The following CDKAL1 variants were observed in gnomAD, a reference collection of about 807,000 sequenced individuals.
CDKAL1 encodes the protein CDKAL1 threonylcarbamoyladenosine tRNA methylthiotransferase, also known as threonylcarbamoyladenosine tRNA methylthiotransferase.
In CDKAL1, 32 loss-of-function variants were observed where a neutral mutation model predicts 68.2. The observed-to-expected ratio is 0.47, with a 90% CI of 0.35 to 0.63. The LOEUF is 0.63. Ranked by LOEUF, CDKAL1 falls within the 30% of genes least tolerant of loss-of-function variation. CDKAL1 has a pLI of 0.00. For synonymous variants in CDKAL1, 234 were observed against 244.3 expected, an observed-to-expected ratio of 0.96 and a Z score of 0.39; for missense variants, 606 against 696.7, an observed-to-expected ratio of 0.87 and a Z score of 1.47.
chr6:20,707,752 T>C (rs1286802740), intron 5 of CDKAL1, among the ~76,000 whole-genome samples: 1 of 152,358 alleles, frequency 6.6e-6, no homozygotes, highest in Non-Finnish European at 1.5e-5. Flanking sequence ...TTAATTGTGC[T>C]GGTATAGTGC....
intron 5 of CDKAL1, among the ~76,000 whole-genome samples, chr6:20,732,467 A>G (rs1261053885): frequency 7.9e-6 from 1 of 127,210 alleles, no homozygotes; most frequent in African/African-American, 3.0e-5. Flanking sequence ...TGGTATTTTT[A>G]GTAGAGATCG....
At chr6:21,104,801 T>C (rs138154821) in intron 12 of CDKAL1, among the ~76,000 whole-genome samples, 1 of 152,350 alleles carries the variant, frequency 6.6e-6, no homozygotes, top group East Asian at 1.9e-4. Context: ...TCCATTTCTT[T>C]CCCAAAATCG....
intron 5 of CDKAL1, among the ~76,000 whole-genome samples, chr6:20,678,723 T>C (rs1461344770): frequency 6.6e-6 from 1 of 152,196 alleles, no homozygotes; most frequent in Non-Finnish European, 1.5e-5. Context: ...CTACATTGTT[T>C]GGTCTCTGCT....
chr6:20,772,973 T>C lies in CDKAL1; in HGVS notation c.518-8172T>C, dbSNP rs1002318011. 2.6e-5 allele frequency: 4 copies of C among 152,330 alleles called. 1 individual carries two copies. Among genetic ancestry groups the C allele is most frequent in the Non-Finnish European group, 5.9e-5 (4 of 68,022 alleles). The allele number at this position is 152,330 out of a possible 1,614,324, so 9.4% of individuals were successfully genotyped here. ...CTGATTTATACTTTGAGTTCTGTCT[T>C]TTTGGACAGTCTCTTCTTATTCTTT... is the stretch of plus-strand genomic sequence containing the variant. On this transcript the variant is annotated intron_variant, in intron 7 of 15. Transcript: ENST00000274695.
At chr6:21,014,097 C>G (rs1171763702) in intron 11 of CDKAL1, among the ~76,000 whole-genome samples, 1 of 152,186 alleles carries the variant, frequency 6.6e-6, no homozygotes, top group African/African-American at 2.4e-5. Context: ...GTGCCCCACC[C>G]TACCTTGAAG....
At chr6:20,615,802 A>G (rs1195838580) in intron 4 of CDKAL1, among the ~76,000 whole-genome samples, 1 of 131,964 alleles carries the variant, frequency 7.6e-6, no homozygotes. Context: ...CCATTTGTCA[A>G]TTTTGGCTTT....
At chr6:20,814,525 C>T (rs1166639998) in intron 8 of CDKAL1, among the ~76,000 whole-genome samples, 1 of 152,168 alleles carries the variant, frequency 6.6e-6, no homozygotes, top group Admixed American at 6.5e-5. Context: ...GGTGATCCAC[C>T]TGCGTCTGCC....
intron 7 of CDKAL1, among the ~76,000 whole-genome samples, chr6:20,763,976 G>A (rs1260371331): frequency 1.3e-5 from 2 of 152,136 alleles, no homozygotes; most frequent in African/African-American, 2.4e-5. Context: ...GGAACTGAAT[G>A]TAAGGAAAGA....
intron 13 of CDKAL1, among the ~76,000 whole-genome samples, chr6:21,149,962 A>G (rs925265106): frequency 1.3e-5 from 2 of 152,016 alleles, no homozygotes; most frequent in African/African-American, 4.8e-5. Context: ...GGTTCACGCC[A>G]TTCTCCTGCC....
At chr6:21,165,594 A>G (rs1055190630) in intron 13 of CDKAL1, among the ~76,000 whole-genome samples, 2 of 152,224 alleles carry the variant, frequency 1.3e-5, no homozygotes, top group African/African-American at 4.8e-5. Flanking sequence ...AAGAAACAAC[A>G]TTAGTAAATT....
At chr6:20,968,736 A>C (rs1033487090) in intron 10 of CDKAL1, among the ~76,000 whole-genome samples, 1 of 151,832 alleles carries the variant, frequency 6.6e-6, no homozygotes, top group African/African-American at 2.4e-5. Context: ...TCTATATCAG[A>C]ATTTCTATAT....
intron 5 of CDKAL1, among the ~76,000 whole-genome samples, chr6:20,709,385 A>AC (rs1771743367): frequency 6.6e-6 from 1 of 152,078 alleles, no homozygotes; most frequent in Admixed American, 6.5e-5. Flanking sequence ...TTTGAGCACC[A>AC]ATGTGATGCT....
chr6:20,645,123 A>G (rs1219216572), intron 4 of CDKAL1, among the ~76,000 whole-genome samples: 1 of 152,146 alleles, frequency 6.6e-6, no homozygotes, highest in Non-Finnish European at 1.5e-5. Context: ...CTTACTATGA[A>G]TGGAGCTTGC....
chr6:20,741,655 T>C (rs1347116835), intron 6 of CDKAL1, among the ~76,000 whole-genome samples: 3 of 152,042 alleles, frequency 2.0e-5, no homozygotes, highest in Non-Finnish European at 4.4e-5. Flanking sequence ...TTGTTTTTGT[T>C]TTTTTATGGC....
intron 4 of CDKAL1, among the ~76,000 whole-genome samples, chr6:20,557,357 C>G (rs530456782): frequency 1.0e-3 from 159 of 152,110 alleles, no homozygotes; most frequent in South Asian, 1.4e-3. Flanking sequence ...ATCTGTAATG[C>G]AAGGTGTGAC....
At chr6:20,580,834 G>C (rs1452756017) in intron 4 of CDKAL1, among the ~76,000 whole-genome samples, 1 of 151,810 alleles carries the variant, frequency 6.6e-6, no homozygotes, top group African/African-American at 2.4e-5. Flanking sequence ...TTGTTGCCCA[G>C]GCTGAAGTGC....
chr6:20,751,507 T>C lies in CDKAL1; in HGVS notation c.469-7088T>C, dbSNP rs545834833. Among the ~76,000 whole-genome samples, 243 of 152,378 alleles carry C rather than the reference T, an allele frequency of 1.6e-3. 4 individuals are homozygous for C. The highest frequency in any genetic ancestry group is 2.7e-3 in the Admixed American group (42 of 15,308). On this transcript the variant is annotated intron_variant, in intron 6 of 15. Coordinates refer to ENST00000274695, the MANE Select transcript of CDKAL1 (RefSeq NM_017774.3). ...GCACAGCATATAAACATTTCCATCA[T>C]TGCAGAAGGTCCTGCTGACAGCACT... is the stretch of plus-strand genomic sequence containing the variant.
intron 5 of CDKAL1, among the ~76,000 whole-genome samples, chr6:20,734,303 T>C (rs994413885): frequency 2.6e-5 from 4 of 152,108 alleles, no homozygotes; most frequent in African/African-American, 9.7e-5. Context: ...TTTAGAAATA[T>C]GTTTCAAGAA....
At chr6:20,709,954 A>G (rs1771773002) in intron 5 of CDKAL1, among the ~76,000 whole-genome samples, 1 of 152,200 alleles carries the variant, frequency 6.6e-6, no homozygotes, top group African/African-American at 2.4e-5. Context: ...CAATGGAGTT[A>G]TAGCGATTAG....
Sources: allele counts gnomAD v4.1 joint callset (sites outside exome capture counted in the v4.1 genomes callset), GRCh38; gene constraint gnomAD v4.1.1; transcripts MANE v1.5; gene names NCBI Gene and HGNC (gene_info 2026-07-23, HGNC 2026-07-21).